The following SCHIP1 variants were observed in gnomAD, a reference collection of about 807,000 sequenced individuals.
SCHIP1 encodes the protein schwannomin-interacting protein 1.
A neutral mutation model predicts 29.7 loss-of-function variants in SCHIP1; 8 were observed. The observed-to-expected ratio is 0.27, with a 90% CI of 0.16 to 0.49. The LOEUF (loss-of-function observed/expected upper bound fraction) is 0.49. SCHIP1 is among the 20% of genes least tolerant of loss of function. SCHIP1 has a pLI of 0.99. For synonymous variants in SCHIP1, 76 were observed against 94.9 expected (o/e 0.80, Z 1.16); for missense variants, 193 against 294.6 (o/e 0.66, Z 2.52).
At chr3:159,597,573 C>G in the SCHIP1 span, among the ~76,000 whole-genome samples, 1 of 152,124 alleles carries the variant, frequency 6.6e-6, no homozygotes, top group African/African-American at 2.4e-5. Context: ...ATAATGACCA[C>G]CAGTTCCTGC....
the SCHIP1 span, among the ~76,000 whole-genome samples, chr3:159,480,324 C>G: frequency 6.6e-6 from 1 of 152,126 alleles, no homozygotes; most frequent in Admixed American, 6.6e-5. Flanking sequence ...AGAAACTCCT[C>G]CCTCAGAAGA....
At chr3:159,359,608 T>G in the SCHIP1 span, among the ~76,000 whole-genome samples, 1 of 152,220 alleles carries the variant, frequency 6.6e-6, no homozygotes, top group South Asian at 2.1e-4. Context: ...AAAATGGAAT[T>G]TATTTCTAAA....
chr3:159,698,451 G>C, the SCHIP1 span, among the ~76,000 whole-genome samples: 189 of 152,222 alleles, frequency 1.2e-3, no homozygotes, highest in African/African-American at 4.5e-3. Context: ...AAGGCCAAAA[G>C]ATAAATTTCA....
At chr3:159,528,535 G>C in the SCHIP1 span, among the ~76,000 whole-genome samples, 1 of 152,162 alleles carries the variant, frequency 6.6e-6, no homozygotes, top group African/African-American at 2.4e-5. Context: ...GTCACTCCTG[G>C]CTTAATTGTG....
At chr3:159,298,095 C>T in the SCHIP1 span, among the ~76,000 whole-genome samples, 1 of 152,194 alleles carries the variant, frequency 6.6e-6, no homozygotes, top group Non-Finnish European at 1.5e-5. Context: ...GAGTGCCTGG[C>T]ACATGGCCAC....
At chr3:159,640,618 A>G in the SCHIP1 span, among the ~76,000 whole-genome samples, 4 of 152,256 alleles carry the variant, frequency 2.6e-5, no homozygotes, top group African/African-American at 9.6e-5. Context: ...ACTGGGCCTG[A>G]ATTTTAATCA....
At chr3:159,767,834 C>T in the SCHIP1 span, among the ~76,000 whole-genome samples, 1,386 of 152,308 alleles carry the variant, frequency 9.1e-3, 9 homozygotes, top group African/African-American at 0.018. Context: ...TTTCTTAGTG[C>T]TTGTCACTAT....
chr3:159,853,041 A>C, intron 1 of SCHIP1: 3 of 198,932 alleles, frequency 1.5e-5, no homozygotes, highest in East Asian at 1.1e-4. Context: ...TTTCTTGGGA[A>C]CAGGAAAGGT....
the SCHIP1 span, among the ~76,000 whole-genome samples, chr3:159,396,319 C>T: frequency 6.7e-6 from 1 of 150,108 alleles, no homozygotes; most frequent in East Asian, 1.9e-4. Context: ...AGTCCATTTA[C>T]ATTTAAAGTT....
chr3:159,334,693 A>T, the SCHIP1 span, among the ~76,000 whole-genome samples: 1 of 152,170 alleles, frequency 6.6e-6, no homozygotes, highest in Non-Finnish European at 1.5e-5. Flanking sequence ...TTTGAGAGTC[A>T]TTCACATTGT....
At chr3:159,542,663 G>A in the SCHIP1 span, among the ~76,000 whole-genome samples, 1 of 151,926 alleles carries the variant, frequency 6.6e-6, no homozygotes, top group Non-Finnish European at 1.5e-5. Context: ...CAGGAATCCT[G>A]CCACCTCCAG....
the SCHIP1 span, among the ~76,000 whole-genome samples, chr3:159,567,033 G>T: frequency 6.6e-6 from 1 of 152,098 alleles, no homozygotes; most frequent in Non-Finnish European, 1.5e-5. Flanking sequence ...GATATGAAAT[G>T]GTATCTATCA....
At chr3:159,366,584 A>G in the SCHIP1 span, among the ~76,000 whole-genome samples, 2 of 152,220 alleles carry the variant, frequency 1.3e-5, no homozygotes, top group African/African-American at 4.8e-5. Flanking sequence ...TAAGCATTCA[A>G]TAAACACTTC....
the SCHIP1 span, among the ~76,000 whole-genome samples, chr3:159,328,628 T>C: frequency 1.3e-5 from 2 of 151,860 alleles, no homozygotes; most frequent in African/African-American, 2.4e-5. Context: ...GTGTGGAGCG[T>C]TGGGAGAAAT....
the SCHIP1 span, among the ~76,000 whole-genome samples, chr3:159,639,373 T>G: frequency 6.6e-6 from 1 of 152,192 alleles, no homozygotes; most frequent in Admixed American, 6.6e-5. Flanking sequence ...CCAGGAAGTA[T>G]AGAATTGCAT....
the SCHIP1 span, among the ~76,000 whole-genome samples, chr3:159,342,840 A>G: frequency 6.6e-6 from 1 of 152,228 alleles, no homozygotes; most frequent in East Asian, 1.9e-4. Flanking sequence ...ATTTGGGATG[A>G]AAATAGAATA....
chr3:159,282,902 A>G, the SCHIP1 span, among the ~76,000 whole-genome samples: 1 of 151,702 alleles, frequency 6.6e-6, no homozygotes, highest in Non-Finnish European at 1.5e-5. Context: ...CACTTCATAT[A>G]TTTTCATGTT....
the SCHIP1 span, among the ~76,000 whole-genome samples, chr3:159,760,522 A>G: frequency 1.3e-5 from 2 of 152,362 alleles, no homozygotes; most frequent in African/African-American, 4.8e-5. Flanking sequence ...CACTGTCTTC[A>G]GCCTCCTCAT....
the SCHIP1 span, among the ~76,000 whole-genome samples, chr3:159,443,708 C>T: frequency 6.6e-6 from 1 of 152,272 alleles, no homozygotes; most frequent in African/African-American, 2.4e-5. Context: ...AGGGTTTCAC[C>T]ATGTTGGCCA....
Sources: allele counts gnomAD v4.1 joint callset (sites outside exome capture counted in the v4.1 genomes callset), GRCh38; gene constraint gnomAD v4.1.1; transcripts MANE v1.5; gene names NCBI Gene and HGNC (gene_info 2026-07-23, HGNC 2026-07-21).